BBX: variants seen among roughly 807,000 people sequenced by gnomAD.
BBX encodes BBX high mobility group box domain containing.
Under a neutral mutation model 100.2 loss-of-function variants are expected in BBX, and 30 were observed. That is an observed-to-expected ratio of 0.30 (90% CI 0.22 to 0.41). The LOEUF is 0.41. BBX is among the 10% of genes least tolerant of loss of function. BBX has a pLI of 1.00. For missense variants in BBX, 1,023 were observed against 1,129.8 expected, an observed-to-expected ratio of 0.91 and a Z score of 1.35; for synonymous variants, 376 against 388.1, an observed-to-expected ratio of 0.97 and a Z score of 0.37.
Position 107,552,929 on chromosome 3 carries a change from A to G in BBX, c.-84+26531A>G, listed in dbSNP as rs1295572520. On this transcript the variant is annotated intron_variant, in intron 2 of 17. Coordinates refer to ENST00000325805, the MANE Select transcript of BBX (RefSeq NM_001142568.3). Reference sequence around the variant, plus strand: ...TTATAGATCAAAGCCATTTTTAGTCATTTTTGCTGAGGTAGTGAAGACCTA... The same window carrying G: ...TTATAGATCAAAGCCATTTTTAGTCGTTTTTGCTGAGGTAGTGAAGACCTA... 4.6e-5 allele frequency among the ~76,000 whole-genome samples: 7 copies of G among 152,180 alleles called. No individual in the cohort carries two copies. In the East Asian group the frequency reaches 1.3e-3, roughly 29 times the overall value.
chr3:107,678,328 A>G (rs2059390185), intron 3 of BBX, among the ~76,000 whole-genome samples: 1 of 152,118 alleles, frequency 6.6e-6, no homozygotes, highest in Admixed American at 6.6e-5. Flanking sequence ...GGATTAAAGC[A>G]GCATAGGTCA....
intron 4 of BBX, among the ~76,000 whole-genome samples, chr3:107,712,815 C>G (rs1355973493): frequency 6.6e-6 from 1 of 152,184 alleles, no homozygotes; most frequent in Non-Finnish European, 1.5e-5. Context: ...TCTGTGCTCA[C>G]TGTGTGCTCA....
intron 2 of BBX, among the ~76,000 whole-genome samples, chr3:107,589,408 G>C (rs1201529443): frequency 6.6e-6 from 1 of 152,150 alleles, no homozygotes; most frequent in Non-Finnish European, 1.5e-5. Flanking sequence ...CTCTTTTTCT[G>C]TTTTCTGCCT....
chr3:107,567,295 C>T lies in BBX; in HGVS notation c.-84+40897C>T, dbSNP rs1336957145. Among the ~76,000 whole-genome samples the T allele has an allele frequency of 2.6e-5, 4 of 152,124 alleles. No homozygotes were observed. The South Asian group carries it at 8.3e-4, about 32-fold the overall frequency. ...TTGATTAGAATTTGTTATTCCTAGC[C>T]TTCATAGTATTACTTATTTTTCTTT... On this transcript the variant is annotated intron_variant, in intron 2 of 17. Transcript: ENST00000325805.
intron 3 of BBX, among the ~76,000 whole-genome samples, chr3:107,708,735 A>G (rs1415600518): frequency 6.6e-6 from 1 of 152,006 alleles, no homozygotes. Context: ...TTAGAAAATG[A>G]TTTTATTAAA....
At chr3:107,569,114 C>T (rs2051151029) in intron 2 of BBX, among the ~76,000 whole-genome samples, 1 of 152,190 alleles carries the variant, frequency 6.6e-6, no homozygotes, top group Admixed American at 6.5e-5. Flanking sequence ...AACTACGTGC[C>T]AGGAACTGTA....
In BBX at chr3:107,759,503, A is replaced by T. The variant is rs143730742; in HGVS notation, c.906+3825A>T. Among the ~76,000 whole-genome samples the T allele has an allele frequency of 1.1e-3, 161 of 152,316 alleles. 2 individuals are homozygous for T. The East Asian group carries it at 0.028, about 27-fold the overall frequency. On this transcript the variant is annotated intron_variant, in intron 10 of 17. Coordinates refer to ENST00000325805, the MANE Select transcript of BBX (RefSeq NM_001142568.3). ...TCCCCACTGGAGATCATTGTGTATT[A>T]TAGTGGCTATAGTTGGAGGACACTG...
chr3:107,633,740 A>T (rs2056689188), intron 2 of BBX, among the ~76,000 whole-genome samples: 1 of 152,220 alleles, frequency 6.6e-6, no homozygotes, highest in Non-Finnish European at 1.5e-5. Context: ...CCTGTTAGAA[A>T]CATCTGCTTA....
chr3:107,771,327 A>G (rs987749573), intron 10 of BBX, among the ~76,000 whole-genome samples: 1 of 152,162 alleles, frequency 6.6e-6, no homozygotes, highest in South Asian at 2.1e-4. Flanking sequence ...AAATAGCTCT[A>G]TATTAAAGTT....
intron 4 of BBX, among the ~76,000 whole-genome samples, chr3:107,713,976 T>TC (rs1406814940): frequency 2.1e-5 from 2 of 94,766 alleles, no homozygotes; most frequent in Non-Finnish European, 4.0e-5. Context: ...TCTTTTTTTT[T>TC]TTTTTTTTTT....
chr3:107,621,402 A>C (rs1047760072), intron 2 of BBX, among the ~76,000 whole-genome samples: 4 of 152,164 alleles, frequency 2.6e-5, no homozygotes, highest in African/African-American at 9.7e-5. Flanking sequence ...TGTTTTATAT[A>C]TAATGTCCAG....
intron 1 of BBX, among the ~76,000 whole-genome samples, chr3:107,523,862 C>A (rs1019811910): frequency 1.3e-5 from 2 of 152,092 alleles, no homozygotes; most frequent in African/African-American, 2.4e-5. Flanking sequence ...TCTCACCCCC[C>A]ACCCCTACCC....
rs190318456 is a variant in BBX, at chr3:107,621,956, C to T, written c.-83-23880C>T. 3.3e-5 allele frequency among the ~76,000 whole-genome samples: 5 copies of T among 152,214 alleles called. No homozygotes were observed. The East Asian group carries it at 9.6e-4, about 29-fold the overall frequency. On this transcript the variant is annotated intron_variant, in intron 2 of 17. Coordinates refer to ENST00000325805, the MANE Select transcript of BBX (RefSeq NM_001142568.3). ...AAAAAAACTTTAATTTTTCGATTAC[C>T]AGCAGTAATACTGGCTTTTTGTGTG...
Position 107,806,949 on chromosome 3 carries a change from G to A in BBX, c.*1492G>A, listed in dbSNP as rs950352015. The stretch of plus-strand genomic sequence containing the variant: ...ATTTTGACAGTGCTAGTTCGAGTTT[G>A]AAGCTTTTGAATTAGATCTCTAAAT... On this transcript the variant is annotated 3_prime_UTR_variant, in exon 18 of 18. Transcript: ENST00000325805. 3 of 152,166 alleles carry A rather than the reference G, an allele frequency of 2.0e-5. No homozygotes were observed. Among genetic ancestry groups the A allele is most frequent in the South Asian group, 4.1e-4 (2 of 4,830 alleles). The allele number at this position is 152,166 out of a possible 1,614,324, so 9.4% of individuals were successfully genotyped here.
chr3:107,688,921 T>G (rs1407464765), intron 3 of BBX, among the ~76,000 whole-genome samples: 1 of 152,174 alleles, frequency 6.6e-6, no homozygotes, highest in Non-Finnish European at 1.5e-5. Flanking sequence ...GAATTCTCCT[T>G]TGACTCCTCA....
intron 9 of BBX, among the ~76,000 whole-genome samples, chr3:107,748,820 A>G (rs1033272159): frequency 6.6e-6 from 1 of 152,152 alleles, no homozygotes; most frequent in Non-Finnish European, 1.5e-5. Context: ...CAATTTTTAT[A>G]GGGTTGAGAG....
intron 3 of BBX, among the ~76,000 whole-genome samples, chr3:107,668,632 G>T (rs1384976289): frequency 1.3e-5 from 2 of 152,182 alleles, no homozygotes; most frequent in Non-Finnish European, 2.9e-5. Context: ...GCAGGAGTGG[G>T]TCTGATTTTC....
At chr3:107,794,145 A>C (rs1410073529) in intron 15 of BBX, among the ~76,000 whole-genome samples, 1 of 152,144 alleles carries the variant, frequency 6.6e-6, no homozygotes, top group Non-Finnish European at 1.5e-5. Context: ...TTGCAATAAT[A>C]ATGATGATGA....
At chr3:107,727,309 C>G (rs2063019001) in intron 5 of BBX, among the ~76,000 whole-genome samples, 1 of 152,076 alleles carries the variant, frequency 6.6e-6, no homozygotes, top group Admixed American at 6.6e-5. Flanking sequence ...CTTTCCACTT[C>G]CAGACAGCAG....
Sources: allele counts gnomAD v4.1 joint callset (sites outside exome capture counted in the v4.1 genomes callset), GRCh38; gene constraint gnomAD v4.1.1; transcripts MANE v1.5; gene names NCBI Gene and HGNC (gene_info 2026-07-23, HGNC 2026-07-21).